The following PTPRG variants were observed in gnomAD, a reference collection of about 807,000 sequenced individuals.
PTPRG encodes protein tyrosine phosphatase receptor type G.
In PTPRG, 102 loss-of-function variants were observed where a neutral mutation model predicts 165.3. The observed-to-expected ratio is 0.62, with a 90% confidence interval of 0.53 to 0.73. The LOEUF is 0.73. PTPRG is among the 30% of genes least tolerant of loss of function. The probability of loss-of-function intolerance (pLI) is 0.00; values close to 1 mark genes in which losing one functional copy is unlikely to be tolerated. For missense variants in PTPRG, 1,866 were observed against 1,861.4 expected (o/e 1.00, Z -0.05); for synonymous variants, 675 against 669.5 (o/e 1.01, Z -0.13).
chr3:61,954,188 T>C (rs1290474613), intron 2 of PTPRG, among the ~76,000 whole-genome samples: 12 of 152,188 alleles, frequency 7.9e-5, no homozygotes. Context: ...CCAAACATAC[T>C]GGTTCCTTAC....
At chr3:61,921,798 T>A (rs1372424105) in intron 2 of PTPRG, among the ~76,000 whole-genome samples, 4 of 152,218 alleles carry the variant, frequency 2.6e-5, no homozygotes, top group Non-Finnish European at 5.9e-5. Flanking sequence ...CAACCTCTAC[T>A]GGATTCTGTA....
chr3:61,635,662 A>C (rs904490896), intron 1 of PTPRG, among the ~76,000 whole-genome samples: 1 of 151,954 alleles, frequency 6.6e-6, no homozygotes, highest in South Asian at 2.1e-4. Context: ...TATTAATACT[A>C]TTATTATTGT....
At chr3:61,884,658 A>G (rs1559668492) in intron 2 of PTPRG, among the ~76,000 whole-genome samples, 1 of 152,208 alleles carries the variant, frequency 6.6e-6, no homozygotes, top group Non-Finnish European at 1.5e-5. Flanking sequence ...GTGTTCAGAA[A>G]GGTGAAGAAT....
chr3:62,166,674 C>CA (rs1156776785), intron 7 of PTPRG, among the ~76,000 whole-genome samples: 1 of 151,546 alleles, frequency 6.6e-6, no homozygotes, highest in Non-Finnish European at 1.5e-5. Context: ...TTGAGGGACA[C>CA]AAAAAAATCC....
At chr3:61,632,556 G>C (rs1299317461) in intron 1 of PTPRG, among the ~76,000 whole-genome samples, 1 of 152,172 alleles carries the variant, frequency 6.6e-6, no homozygotes, top group Admixed American at 6.5e-5. Flanking sequence ...GCACGTTCAG[G>C]GTGGCATGGC....
chr3:62,098,793 T>C (rs1306753986), intron 5 of PTPRG, among the ~76,000 whole-genome samples: 1 of 152,224 alleles, frequency 6.6e-6, no homozygotes, highest in Non-Finnish European at 1.5e-5. Context: ...CTCAGAAAGC[T>C]AGCAGAGTCT....
At chr3:62,099,227 G>T (rs1034231979) in intron 5 of PTPRG, among the ~76,000 whole-genome samples, 1 of 152,182 alleles carries the variant, frequency 6.6e-6, no homozygotes, top group East Asian at 1.9e-4. Flanking sequence ...TCCAGTAGTT[G>T]AAGATTCTCA....
chr3:61,957,843 G>C (rs77222905), intron 2 of PTPRG, among the ~76,000 whole-genome samples: 1,987 of 152,274 alleles, frequency 0.013, 38 homozygotes, highest in African/African-American at 0.045. Context: ...TCAGAGAGGG[G>C]CTTTTGGGCT....
chr3:61,825,427 A>G (rs971268306), intron 2 of PTPRG, among the ~76,000 whole-genome samples: 1 of 152,242 alleles, frequency 6.6e-6, no homozygotes, highest in African/African-American at 2.4e-5. Context: ...ACCAGAACAT[A>G]ATACAAAGAG....
At chr3:62,280,693 G>GCAGT (rs1263684464) in intron 26 of PTPRG, among the ~76,000 whole-genome samples, 2 of 152,056 alleles carry the variant, frequency 1.3e-5, no homozygotes, top group African/African-American at 4.8e-5. Context: ...ATAAGACCCA[G>GCAGT]CAGTCCTTCT....
chr3:62,128,135 T>C (rs17066144), intron 5 of PTPRG, among the ~76,000 whole-genome samples: 7,179 of 152,242 alleles, frequency 0.047, 374 homozygotes, highest in African/African-American at 0.14. Flanking sequence ...TTGTGTGCCA[T>C]CTTTTTGAAG....
chr3:61,816,705 A>T (rs2035772619), intron 2 of PTPRG, among the ~76,000 whole-genome samples: 1 of 151,958 alleles, frequency 6.6e-6, no homozygotes, highest in South Asian at 2.1e-4. Flanking sequence ...TGAATTGAGG[A>T]GGCACATGGA....
rs551985768 is a variant in PTPRG, at chr3:61,876,802, T to A, written c.191-112823T>A. Among the ~76,000 whole-genome samples, 5 of 152,286 alleles carry A rather than the reference T, an allele frequency of 3.3e-5. No homozygotes were observed. The South Asian group carries it at 8.3e-4, about 25-fold the overall frequency. On this transcript the variant is annotated intron_variant, in intron 2 of 29. Transcript: ENST00000474889. ...AACTAGCTTCCTCCTCCTTCCCCAC[T>A]ACCACTTAATAGTAATTCATGTTTT...
At position 62,260,157 on chromosome 3, in the gene PTPRG, T is replaced by C. The variant is rs933245035; in HGVS notation, c.2560-2641T>C. 3.9e-5 allele frequency among the ~76,000 whole-genome samples: 6 copies of C among 152,272 alleles called. No individual in the cohort carries two copies. The East Asian group carries it at 1.2e-3, about 29-fold the overall frequency. ...CACTACCATGACCTAAACCCATCAGTCATCTGTAGAACAGTCTCTTTACCA... is the reference window on the plus strand; with the variant it reads ...CACTACCATGACCTAAACCCATCAGCCATCTGTAGAACAGTCTCTTTACCA... On this transcript the variant is annotated intron_variant, in intron 16 of 29. Transcript: ENST00000474889.
chr3:62,125,103 CT>C (rs1703238246), intron 5 of PTPRG, among the ~76,000 whole-genome samples: 1 of 151,954 alleles, frequency 6.6e-6, no homozygotes, highest in South Asian at 2.1e-4. Flanking sequence ...CTTTGTCCCC[CT>C]GTCACCTTTT....
At chr3:61,765,624 A>G (rs538125527) in intron 2 of PTPRG, among the ~76,000 whole-genome samples, 1 of 152,268 alleles carries the variant, frequency 6.6e-6, no homozygotes, top group South Asian at 2.1e-4. Flanking sequence ...ACTTTTCACT[A>G]AAGGAGTGGA....
Position 62,126,026 on chromosome 3 carries a change from T to C in PTPRG, c.616-6576T>C, listed in dbSNP as rs187856355. The stretch of plus-strand genomic sequence containing the variant: ...TCCTCCCTCTCTTCTGCTCTGGCTT[T>C]GAAATGGCGTGTTGAGAGAATCCAA... On this transcript the variant is annotated intron_variant, in intron 5 of 29. Transcript: ENST00000474889. 4.1e-3 allele frequency among the ~76,000 whole-genome samples: 620 copies of C among 152,308 alleles called. 5 individuals carry two copies. Among genetic ancestry groups the C allele is most frequent in the African/African-American group, 0.014 (596 of 41,558 alleles).
chr3:61,990,780 T>C (rs1287068070), intron 3 of PTPRG, among the ~76,000 whole-genome samples: 1 of 152,196 alleles, frequency 6.6e-6, no homozygotes, highest in East Asian at 1.9e-4. Context: ...AGGATGTCAC[T>C]GTGAACCACT....
rs1473113054 is a variant in PTPRG, at chr3:61,880,800, C to A, written c.191-108825C>A. On this transcript the variant is annotated intron_variant, in intron 2 of 29. Transcript: ENST00000474889. ...GATTGATTAGGTTGTAAATATTTGT[C>A]CTATGGACCACGGTAACGTGGATTA... Among the ~76,000 whole-genome samples, 5 of 152,126 alleles carry A rather than the reference C, an allele frequency of 3.3e-5. No individual in the cohort carries two copies. In the East Asian group the frequency reaches 9.7e-4, roughly 29 times the overall value.
Sources: gnomAD v4.1 joint callset for allele counts (sites outside exome capture counted in the v4.1 genomes callset) on GRCh38, gnomAD v4.1.1 for gene constraint, MANE v1.5 for transcripts, NCBI Gene and HGNC (gene_info 2026-07-23, HGNC 2026-07-21) for gene names.